The following PATJ variants were observed in gnomAD, a reference collection of about 807,000 sequenced individuals.
PATJ encodes the protein PATJ crumbs cell polarity complex component, also known as inaD-like protein.
A neutral mutation model predicts 224.9 loss-of-function variants in PATJ; 190 were observed. The observed-to-expected ratio is 0.84, with a 90% CI of 0.75 to 0.95. The LOEUF (loss-of-function observed/expected upper bound fraction) is 0.95, where lower values mean the gene tolerates loss of function less well. Among genes scored for constraint, PATJ ranks in the 40% least tolerant of loss-of-function variants. The pLI is 0.00. For synonymous variants in PATJ, 769 were observed against 820.3 expected (o/e 0.94, Z 1.07); for missense variants, 2,121 against 2,270.3 (o/e 0.93, Z 1.34).
intron 26 of PATJ, 67 bp downstream of exon 26, chr1:61,914,731 T>C (rs1673202236): frequency 1.0e-6 from 1 of 969,628 alleles, no homozygotes. Flanking sequence ...TTTCCATATC[T>C]GGGCTATAAT....
At chr1:62,048,545 C>CAAAAAAAAA (rs773157635) in intron 30 of PATJ, among the ~76,000 whole-genome samples, 134 of 66,188 alleles carry the variant, frequency 2.0e-3, no homozygotes, top group East Asian at 6.7e-3. Context: ...GACTCTGTCT[C>CAAAAAAAAA]AAAAAAAAAA....
intron 27 of PATJ, among the ~76,000 whole-genome samples, chr1:61,981,673 CTT>C (rs775417916): frequency 4.2e-4 from 58 of 138,366 alleles, no homozygotes; most frequent in Admixed American, 4.4e-4. Context: ...TGTTGTGATT[CTT>C]TTTTTTTTTT....
chr1:61,866,755 A>G (rs1055657796), intron 20 of PATJ, among the ~76,000 whole-genome samples: 45 of 152,334 alleles, frequency 3.0e-4, no homozygotes, highest in Middle Eastern at 3.4e-3. Context: ...AATTTGAGCG[A>G]ATCCATAGAG....
chr1:62,131,759 T>C (rs1335955075), intron 41 of PATJ, among the ~76,000 whole-genome samples: 1 of 152,194 alleles, frequency 6.6e-6, no homozygotes, highest in African/African-American at 2.4e-5. Flanking sequence ...TGCACTCAGC[T>C]TGGGTGACAG....
At chr1:61,919,902 T>C (rs1042973863) in intron 26 of PATJ, among the ~76,000 whole-genome samples, 3 of 152,200 alleles carry the variant, frequency 2.0e-5, no homozygotes, top group Admixed American at 2.0e-4. Flanking sequence ...TACATAGTTA[T>C]TATGAAATGT....
At chr1:61,814,552 G>A (rs1009651778) in intron 14 of PATJ, among the ~76,000 whole-genome samples, 11 of 150,962 alleles carry the variant, frequency 7.3e-5, no homozygotes, top group South Asian at 2.1e-4. Flanking sequence ...GTGTGTGCGC[G>A]CGCGCGCGCA....
intron 6 of PATJ, among the ~76,000 whole-genome samples, chr1:61,771,844 C>T (rs1488202469): frequency 6.6e-6 from 1 of 151,830 alleles, no homozygotes; most frequent in Non-Finnish European, 1.5e-5. Context: ...CTCAGCCTCC[C>T]GAGTAGCTGG....
intron 10 of PATJ, among the ~76,000 whole-genome samples, chr1:61,796,230 C>A (rs1015195859): frequency 6.6e-6 from 1 of 152,166 alleles, no homozygotes; most frequent in Non-Finnish European, 1.5e-5. Context: ...GAAATACTTA[C>A]AGCTAGCTCA....
intron 21 of PATJ, among the ~76,000 whole-genome samples, chr1:61,881,412 T>A (rs867741989): frequency 0.19 from 27,629 of 144,872 alleles, 2,699 homozygotes; most frequent in East Asian, 0.49. Flanking sequence ...CAGTTATTTT[T>A]TTTTTTTTTT....
At chr1:61,960,665 AAAAAAAAAAAAAAAGTTTT>A (rs1312201116) in intron 27 of PATJ, among the ~76,000 whole-genome samples, 1 of 146,860 alleles carries the variant, frequency 6.8e-6, no homozygotes, top group East Asian at 2.0e-4. Context: ...CTCCATCTCA[AAAAAAAAAAAAAAAGTTTT>A]ACCTTTGAAC....
In PATJ at chr1:61,841,136, A is replaced by G. The variant is rs573303696; in HGVS notation, c.2112+7351A>G. Among the ~76,000 whole-genome samples the G allele has an allele frequency of 1.5e-4, 23 of 151,920 alleles. No homozygotes were observed. In the South Asian group the frequency reaches 4.4e-3, roughly 29 times the overall value. ...TCAGACTATGATATTAGTGCCCCAA[A>G]CTCTATTTCTATTTCTTCCACTTAA... On this transcript the variant is annotated intron_variant, in intron 17 of 43. Transcript: ENST00000642238.
In PATJ at chr1:61,899,666, A is replaced by G; in HGVS notation, c.3203+12A>G. ...GGTCCACCGAGAATGTATGTGGATG[A>G]CATTATTGTGGCTTTCTCAATAGGA... On this transcript the variant is annotated intron_variant, in intron 23 of 43. Coordinates refer to ENST00000642238, the MANE Select transcript of PATJ (RefSeq NM_001350145.3). The G allele has an allele frequency of 6.3e-7, 1 of 1,588,544 alleles. No individual in the cohort carries two copies. The highest frequency in any genetic ancestry group is 1.1e-5 in the South Asian group (1 of 89,380).
In PATJ at chr1:61,777,703, C is replaced by CTTTTTTTTTTTTTTTTTTTTTT. The variant is rs66470863; in HGVS notation, c.849+2372_849+2393dup. ...TTCTTCCTTTTTTCTTTCTTTCTTT[C>CTTTTTTTTTTTTTTTTTTTTTT]TTTTTTTTTTTTTTTTTTTTTTTTA... On this transcript the variant is annotated intron_variant, in intron 7 of 43. Transcript: ENST00000642238. Among the ~76,000 whole-genome samples, 110 of 48,730 alleles carry CTTTTTTTTTTTTTTTTTTTTTT rather than the reference C, an allele frequency of 2.3e-3. 1 individual carries two copies. The highest frequency in any genetic ancestry group is 2.5e-3 in the Non-Finnish European group (78 of 30,836). 32.0% of individuals were successfully genotyped at this position (48,730 alleles called of 152,430 possible).
chr1:62,046,955 C>T (rs1025246920), intron 30 of PATJ, among the ~76,000 whole-genome samples: 4 of 152,168 alleles, frequency 2.6e-5, no homozygotes, highest in Admixed American at 2.0e-4. Flanking sequence ...TACAGGTTGA[C>T]GCATCCCTTA....
chr1:61,874,149 T>G (rs1239638530), intron 20 of PATJ, among the ~76,000 whole-genome samples: 2 of 151,992 alleles, frequency 1.3e-5, no homozygotes, highest in East Asian at 3.9e-4. Flanking sequence ...GGTGGAAGAG[T>G]GGAATGAGCT....
intron 27 of PATJ, among the ~76,000 whole-genome samples, chr1:61,982,123 G>A (rs938619249): frequency 2.0e-5 from 3 of 151,952 alleles, no homozygotes; most frequent in African/African-American, 7.3e-5. Flanking sequence ...TGGGGGCAGG[G>A]GGCTTTCTAG....
chr1:61,982,476 A>G (rs375876110), intron 27 of PATJ, among the ~76,000 whole-genome samples: 1 of 152,008 alleles, frequency 6.6e-6, no homozygotes, highest in Non-Finnish European at 1.5e-5. Context: ...TCTGAGTATC[A>G]GTCAGTTCAT....
At chr1:61,952,723 C>G (rs924521004) in intron 27 of PATJ, among the ~76,000 whole-genome samples, 1 of 152,160 alleles carries the variant, frequency 6.6e-6, no homozygotes, top group African/African-American at 2.4e-5. Flanking sequence ...ACTGTTCATG[C>G]TGTATTCTCT....
chr1:62,047,109 T>C (rs572286853), intron 30 of PATJ, among the ~76,000 whole-genome samples: 18 of 152,328 alleles, frequency 1.2e-4, no homozygotes, highest in African/African-American at 3.6e-4. Flanking sequence ...TAAGGGGACA[T>C]GTGCATAATT....
Sources: gnomAD v4.1 joint callset for allele counts (sites outside exome capture counted in the v4.1 genomes callset) on GRCh38, gnomAD v4.1.1 for gene constraint, MANE v1.5 for transcripts, NCBI Gene and HGNC (gene_info 2026-07-23, HGNC 2026-07-21) for gene names.